Variants in CHN1 observed in about 807,000 individuals in gnomAD.
CHN1 encodes the protein N-chimaerin.
CHN1 carries 37 observed loss-of-function variants against 59.5 expected under a neutral mutation model. That is an observed-to-expected ratio of 0.62 (90% CI 0.48 to 0.82). CHN1 has a LOEUF of 0.82. CHN1 is among the 40% of genes least tolerant of loss of function. The pLI, the probability that CHN1 is intolerant of heterozygous loss-of-function variation, is 0.00. For synonymous variants in CHN1, 206 were observed against 200.4 expected, an observed-to-expected ratio of 1.03 and a Z score of -0.24; for missense variants, 469 against 571.0, an observed-to-expected ratio of 0.82 and a Z score of 1.82.
intron 3 of CHN1, 58 bp from the exon 4 acceptor site, chr2:174,918,623 A>T: frequency 7.2e-7 from 1 of 1,383,366 alleles, no homozygotes; most frequent in Admixed American, 2.1e-5. Flanking sequence ...GCAGAACATA[A>T]CTCAACATTT....
intron 5 of CHN1, among the ~76,000 whole-genome samples, chr2:174,885,379 T>G (rs1162216738): frequency 6.6e-6 from 1 of 151,968 alleles, no homozygotes; most frequent in Non-Finnish European, 1.5e-5. Context: ...ATTTAAAAAG[T>G]GATAATTACC....
At chr2:174,935,987 CTCAG>C (rs1172944023) in intron 3 of CHN1, among the ~76,000 whole-genome samples, 1 of 152,074 alleles carries the variant, frequency 6.6e-6, no homozygotes, top group Non-Finnish European at 1.5e-5. Flanking sequence ...AAAATACATA[CTCAG>C]TATTACTCTA....
chr2:174,894,822 G>A (rs553381447), intron 5 of CHN1, among the ~76,000 whole-genome samples: 185 of 152,082 alleles, frequency 1.2e-3, no homozygotes, highest in Non-Finnish European at 2.5e-3. Context: ...GGTCAACCAC[G>A]GTCTGAAAAT....
At chr2:174,978,287 CT>C (rs1229934634) in intron 1 of CHN1, among the ~76,000 whole-genome samples, 1 of 152,210 alleles carries the variant, frequency 6.6e-6, no homozygotes, top group African/African-American at 2.4e-5. Context: ...ACAATGACAT[CT>C]TTTTAAAAAT....
chr2:174,808,963 C>T lies in CHN1; in HGVS notation c.1044G>A (p.Arg348=), dbSNP rs766724782. ...IITGALKLYF[R]DLPIPLITYD... is the part of the protein sequence containing the mutation. ...ATGTAATGAGTGGAATTGGCAAATC[C>T]CTGAAGTACAGTTTAAGTGCACCAG... Residue 348 remains arginine, a synonymous_variant, in exon 11 of 13, where the codon AGG becomes AGA. Transcript: ENST00000409900. 5 of 1,613,394 alleles carry T rather than the reference C, an allele frequency of 3.1e-6. No individual in the cohort carries two copies. Among genetic ancestry groups the T allele is most frequent in the Non-Finnish European group, 4.2e-6 (5 of 1,179,572 alleles).
intron 1 of CHN1, among the ~76,000 whole-genome samples, chr2:174,971,169 T>C (rs886328498): frequency 2.0e-5 from 3 of 151,910 alleles, no homozygotes; most frequent in Non-Finnish European, 4.4e-5. Flanking sequence ...ATACAAAAAA[T>C]AAGCCGAGCA....
chr2:174,843,974 C>CTGTG (rs34733435), intron 7 of CHN1, among the ~76,000 whole-genome samples: 3,018 of 150,060 alleles, frequency 0.02, 43 homozygotes, highest in Middle Eastern at 0.034. Context: ...CTCTCTTTCT[C>CTGTG]TGTGTGTGTG....
chr2:174,973,153 G>C (rs1690812710), intron 1 of CHN1, among the ~76,000 whole-genome samples: 1 of 152,274 alleles, frequency 6.6e-6, no homozygotes, highest in South Asian at 2.1e-4. Context: ...GGATAACAAT[G>C]ATTATGCTCT....
chr2:174,970,851 C>T (rs1228138149), intron 1 of CHN1, among the ~76,000 whole-genome samples: 6 of 152,138 alleles, frequency 3.9e-5, no homozygotes, highest in Non-Finnish European at 7.4e-5. Flanking sequence ...TAAAACACTG[C>T]CCTTTTTTCC....
intron 1 of CHN1, among the ~76,000 whole-genome samples, chr2:174,995,743 C>T (rs1287064800): frequency 6.6e-6 from 1 of 152,182 alleles, no homozygotes; most frequent in Non-Finnish European, 1.5e-5. Context: ...GTTGGGGACA[C>T]CTGCTGCCAA....
intron 5 of CHN1, among the ~76,000 whole-genome samples, chr2:174,891,160 A>AG (rs1479886878): frequency 6.7e-6 from 1 of 149,692 alleles, no homozygotes; most frequent in East Asian, 1.9e-4. Context: ...AAAAAAAAAA[A>AG]AAAAAGAAAA....
chr2:174,811,560 T>C lies in CHN1; in HGVS notation c.915A>G (p.Val305=), dbSNP rs13398834. The C allele has an allele frequency of 3.6e-4, 587 of 1,611,314 alleles. 5 individuals carry two copies. The African/African-American group carries it at 6.3e-3, about 17-fold the overall frequency. The part of the protein sequence containing the change: ...RGLNSEGLYR[V]SGFSDLIEDV... ...CTTCAATTAGGTCACTAAATCCTGA[T>C]ACTCGGTATAGTCCTTCAGAATTAA... The change falls in exon 10 of 13, where the codon GTA becomes GTG. Residue 305 remains valine (V), a synonymous_variant. Transcript: ENST00000409900.
At chr2:174,957,058 T>C (rs1690231414) in intron 1 of CHN1, among the ~76,000 whole-genome samples, 1 of 152,142 alleles carries the variant, frequency 6.6e-6, no homozygotes, top group Non-Finnish European at 1.5e-5. Flanking sequence ...ATACCGTTGA[T>C]TCATTAACAC....
At chr2:174,951,943 CT>C (rs1690035713) in intron 2 of CHN1, among the ~76,000 whole-genome samples, 1 of 152,186 alleles carries the variant, frequency 6.6e-6, no homozygotes, top group South Asian at 2.1e-4. Context: ...TTCATATAAG[CT>C]CAGAGGGATG....
chr2:174,854,007 T>G (rs1041428785), intron 6 of CHN1, among the ~76,000 whole-genome samples: 2 of 152,100 alleles, frequency 1.3e-5, no homozygotes, highest in African/African-American at 4.8e-5. Context: ...CTGAGTGCAA[T>G]ATACCCATGT....
chr2:175,005,329 T>C lies in CHN1; in HGVS notation c.-417A>G. 1 of 1,169,242 alleles carries C rather than the reference T, an allele frequency of 8.6e-7. No homozygotes were observed. The highest frequency in any genetic ancestry group is 1.7e-5 in the South Asian group (1 of 57,172). 72.4% of individuals were successfully genotyped at this position (1,169,242 alleles called of 1,614,324 possible). On this transcript the variant is annotated 5_prime_UTR_variant, in exon 1 of 13. The change abolishes the stop of an existing upstream ORF in the 5' untranslated region. Transcript: ENST00000409900. ...TCGCACAGCCCCCGGCGGGGCGCGC[T>C]CACTCCGCATCCCGCGGCCTCGCAG...
chr2:174,885,940 A>G (rs1687881121), intron 5 of CHN1, among the ~76,000 whole-genome samples: 1 of 152,264 alleles, frequency 6.6e-6, no homozygotes, highest in Non-Finnish European at 1.5e-5. Context: ...TAAAAACTAG[A>G]GTAGGCCTAG....
rs772576860 is a variant in CHN1, at chr2:174,952,145, C to T, written c.58+19G>A. ...TACTTATAAAGCACTATAACCCACACAATTATTTGTAGACTTACAGTAAGA... is the reference window on the plus strand; with the variant it reads ...TACTTATAAAGCACTATAACCCACATAATTATTTGTAGACTTACAGTAAGA... On this transcript the variant is annotated intron_variant, in intron 2 of 12. Transcript: ENST00000409900. 3 of 1,394,972 alleles carry T rather than the reference C, an allele frequency of 2.2e-6. No homozygotes were observed. The highest frequency in any genetic ancestry group is 3.4e-5 in the South Asian group (2 of 59,228). 86.4% of individuals were successfully genotyped at this position (1,394,972 alleles called of 1,614,324 possible). A position where few individuals can be genotyped will look rare whatever the true frequency, so the allele number is the denominator to read the frequency against.
At chr2:174,849,787 T>C (rs1350106364) in intron 6 of CHN1, among the ~76,000 whole-genome samples, 1 of 152,162 alleles carries the variant, frequency 6.6e-6, no homozygotes, top group Admixed American at 6.6e-5. Context: ...AATTTTATAG[T>C]TGAGAGGGCT....
Sources: allele counts gnomAD v4.1 joint callset (sites outside exome capture counted in the v4.1 genomes callset), GRCh38; gene constraint gnomAD v4.1.1; transcripts MANE v1.5; gene names NCBI Gene and HGNC (gene_info 2026-07-23, HGNC 2026-07-21).